The following CADPS variants were observed in gnomAD, a reference collection of about 807,000 sequenced individuals.
CADPS encodes the protein calcium-dependent secretion activator 1.
Under a neutral mutation model 167.3 loss-of-function variants are expected in CADPS, and 57 were observed. The observed-to-expected ratio is 0.34, with a 90% confidence interval of 0.28 to 0.42. CADPS has a LOEUF of 0.42. Among genes scored for constraint, CADPS ranks in the 20% least tolerant of loss-of-function variants. The pLI is 1.00. For synonymous variants in CADPS, 676 were observed against 635.3 expected (o/e 1.06, Z -0.96); for missense variants, 1,414 against 1,738.1 (o/e 0.81, Z 3.32).
rs1410741093 is a variant in CADPS at position 62,601,971 on chromosome 3, C to G, written c.1326-9223G>C. On this transcript the variant is annotated intron_variant, in intron 6 of 29. Coordinates refer to ENST00000383710, the MANE Select transcript of CADPS (RefSeq NM_003716.4). The surrounding 1 kb of genome is among the most constrained non-coding windows in gnomAD (Gnocchi z 4.3). ...CATCTGCTTGATCACAGTCGCATCTCTGTTTACTATTTAAAGCCTCTTATT... is the reference window on the plus strand; with the variant it reads ...CATCTGCTTGATCACAGTCGCATCTGTGTTTACTATTTAAAGCCTCTTATT... Among the ~76,000 whole-genome samples the G allele has an allele frequency of 6.6e-6, 1 of 152,130 alleles. No individual in the cohort carries two copies. The highest frequency in any genetic ancestry group is 1.5e-5 in the Non-Finnish European group (1 of 68,032).
intron 1 of CADPS, among the ~76,000 whole-genome samples, chr3:62,821,121 C>G (rs1334114650): frequency 6.6e-6 from 1 of 151,962 alleles, no homozygotes; most frequent in Non-Finnish European, 1.5e-5. Context: ...TTAAACATCC[C>G]TCTTGGAAAA....
chr3:62,596,288 C>T (rs536535477), intron 6 of CADPS, among the ~76,000 whole-genome samples: 66 of 151,588 alleles, frequency 4.4e-4, no homozygotes, highest in South Asian at 1.9e-3. Flanking sequence ...CTCTGCCTCC[C>T]GGGTACAAGT....
At position 62,653,881 on chromosome 3, in the gene CADPS, G is replaced by A. The variant is rs919952743; in HGVS notation, c.970-2801C>T. Among the ~76,000 whole-genome samples the A allele has an allele frequency of 6.6e-5, 10 of 152,176 alleles. No homozygotes were observed. In the East Asian group the frequency reaches 1.4e-3, roughly 21 times the overall value. On this transcript the variant is annotated intron_variant, in intron 4 of 29. Coordinates refer to ENST00000383710, the MANE Select transcript of CADPS (RefSeq NM_003716.4). ...TTCTGGAACTTCTTAGTATAATCAC[G>A]TCCTGCTTTTAAGACTGGGCTAAGC...
At chr3:62,815,524 G>T (rs2094573652) in intron 1 of CADPS, among the ~76,000 whole-genome samples, 1 of 152,044 alleles carries the variant, frequency 6.6e-6, no homozygotes, top group South Asian at 2.1e-4. Context: ...ATGGGTGTGT[G>T]CATGTAGGAT....
Position 62,465,454 on chromosome 3 carries a change from G to C in CADPS, c.3553-4C>G. 2 of 1,587,372 alleles carry C rather than the reference G, an allele frequency of 1.3e-6. No homozygotes were observed. Among genetic ancestry groups the C allele is most frequent in the Non-Finnish European group, 1.7e-6 (2 of 1,165,984 alleles). ...CTCCTTCCAAGATAGTAACGAACTA[G>C]AAAAACAGCAAAAAAGAAAAAAATG... On this transcript the variant is annotated splice_polypyrimidine_tract_variant and splice_region_variant and intron_variant, in intron 25 of 29. Coordinates refer to ENST00000383710, the MANE Select transcript of CADPS (RefSeq NM_003716.4). The surrounding 1 kb of genome is among the most constrained non-coding windows in gnomAD (Gnocchi z 4.1).
chr3:62,833,204 G>T (rs546748899), intron 1 of CADPS, among the ~76,000 whole-genome samples: 122 of 152,120 alleles, frequency 8.0e-4, no homozygotes, highest in African/African-American at 2.9e-3. Flanking sequence ...GCCCGGGCTG[G>T]ATTACAGTGG....
rs1270772664 is a variant in CADPS, at chr3:62,433,680, A to G, written c.3777+4424T>C. ...ATGGCTTTTTAATCACTCATCTCCGAGCCTGTGAGGTTTAAGCAGATGAAT... is the reference window on the plus strand; with the variant it reads ...ATGGCTTTTTAATCACTCATCTCCGGGCCTGTGAGGTTTAAGCAGATGAAT... On this transcript the variant is annotated intron_variant, in intron 28 of 29. Coordinates refer to ENST00000383710, the MANE Select transcript of CADPS (RefSeq NM_003716.4). The surrounding 1 kb of genome is among the most constrained non-coding windows in gnomAD (Gnocchi z 4.7). Among the ~76,000 whole-genome samples, 1 of 152,162 alleles carries G rather than the reference A, an allele frequency of 6.6e-6. No homozygotes were observed. The highest frequency in any genetic ancestry group is 2.4e-5 in the African/African-American group (1 of 41,428).
At chr3:62,737,041 G>C (rs982545187) in intron 3 of CADPS, among the ~76,000 whole-genome samples, 2 of 152,056 alleles carry the variant, frequency 1.3e-5, no homozygotes, top group African/African-American at 4.8e-5. Flanking sequence ...GGGAGGCTGA[G>C]GCAAAAGAAT....
At chr3:62,767,795 T>C (rs2087301300) in intron 1 of CADPS, among the ~76,000 whole-genome samples, 1 of 152,192 alleles carries the variant, frequency 6.6e-6, no homozygotes, top group Non-Finnish European at 1.5e-5. Context: ...AGTAGCCACA[T>C]TAAAAAAATA....
rs536582620 is a variant in CADPS at position 62,866,530 on chromosome 3, A to G, written c.441+8059T>C. On this transcript the variant is annotated intron_variant, in intron 1 of 29. Transcript: ENST00000383710. The stretch of plus-strand genomic sequence containing the variant: ...CAGGAGGTAAAAGAAAAGATTGACT[A>G]AGGACTTATGGCAATACTTAGCCCA... Among the ~76,000 whole-genome samples the G allele has an allele frequency of 1.7e-4, 26 of 152,128 alleles. No homozygotes were observed. In the South Asian group the frequency reaches 5.2e-3, roughly 30 times the overall value.
intron 13 of CADPS, among the ~76,000 whole-genome samples, chr3:62,532,297 C>G (rs2073859068): frequency 6.6e-6 from 1 of 152,116 alleles, no homozygotes; most frequent in African/African-American, 2.4e-5. Flanking sequence ...ATTCCCTTTC[C>G]TCAGAGTCAG....
chr3:62,573,267 TA>T (rs2081622525), intron 8 of CADPS, among the ~76,000 whole-genome samples: 1 of 152,222 alleles, frequency 6.6e-6, no homozygotes, highest in African/African-American at 2.4e-5. Context: ...TCTACTGTAT[TA>T]TTTTTTATTC....
At chr3:62,781,471 C>G (rs934930733) in intron 1 of CADPS, among the ~76,000 whole-genome samples, 3 of 152,172 alleles carry the variant, frequency 2.0e-5, no homozygotes, top group African/African-American at 7.2e-5. Flanking sequence ...TACGCTGAAT[C>G]AGCCTCCTGG....
chr3:62,806,500 A>C (rs1047581141), intron 1 of CADPS, among the ~76,000 whole-genome samples: 10 of 152,144 alleles, frequency 6.6e-5, no homozygotes, highest in African/African-American at 2.4e-4. Flanking sequence ...ACTGCACTCC[A>C]GTCTGGACAA....
chr3:62,692,145 T>G (rs1473085084), intron 3 of CADPS, among the ~76,000 whole-genome samples: 1 of 151,948 alleles, frequency 6.6e-6, no homozygotes, highest in African/African-American at 2.4e-5. Flanking sequence ...GGTCAACATC[T>G]GAACTGCCTT....
At chr3:62,767,005 T>TA (rs2087062292) in intron 1 of CADPS, among the ~76,000 whole-genome samples, 1 of 152,210 alleles carries the variant, frequency 6.6e-6, no homozygotes, top group African/African-American at 2.4e-5. Flanking sequence ...ATTACATGAA[T>TA]GAATGAATGG....
chr3:62,579,435 G>T (rs1338747468), intron 8 of CADPS, among the ~76,000 whole-genome samples: 1 of 152,204 alleles, frequency 6.6e-6, no homozygotes, highest in Non-Finnish European at 1.5e-5. Context: ...GGAACTCACA[G>T]TCTAGTGGGG....
rs147830907 is a variant in CADPS at position 62,782,901 on chromosome 3, A to T, written c.442-16917T>A. 5.4e-4 allele frequency among the ~76,000 whole-genome samples: 82 copies of T among 152,014 alleles called. No homozygotes were observed. The East Asian group carries it at 0.013, about 24-fold the overall frequency. ...TAGCCTCTCAAGTAGCTGGGATTAC[A>T]GGTGCCCGCCACCATGCCTGGCTAA... On this transcript the variant is annotated intron_variant, in intron 1 of 29. Transcript: ENST00000383710.
At chr3:62,415,027 T>C (rs2049757828) in intron 28 of CADPS, among the ~76,000 whole-genome samples, 1 of 152,166 alleles carries the variant, frequency 6.6e-6, no homozygotes, top group African/African-American at 2.4e-5. Flanking sequence ...ATGCTTTGTC[T>C]CCTTGACAAC....
Sources: allele counts gnomAD v4.1 joint callset (sites outside exome capture counted in the v4.1 genomes callset), GRCh38; gene constraint gnomAD v4.1.1; non-coding constraint Gnocchi (gnomAD v3.1); transcripts MANE v1.5; gene names NCBI Gene and HGNC (gene_info 2026-07-23, HGNC 2026-07-21).